The following KIF16B variants were observed in gnomAD, a reference collection of about 807,000 sequenced individuals.
KIF16B encodes the protein kinesin family member 16B.
KIF16B carries 98 observed loss-of-function variants against 156.3 expected under a neutral mutation model. The observed-to-expected ratio is 0.63, with a 90% CI of 0.53 to 0.74. The LOEUF is 0.74. Ranked by LOEUF, KIF16B falls within the 30% of genes least tolerant of loss-of-function variation. The pLI is 0.00. For missense variants in KIF16B, 1,421 were observed against 1,606.5 expected (o/e 0.88, Z 1.97); for synonymous variants, 564 against 583.7 (o/e 0.97, Z 0.49).
chr20:16,382,754 C>G (rs531277851), intron 17 of KIF16B, among the ~76,000 whole-genome samples: 2 of 152,024 alleles, frequency 1.3e-5, no homozygotes, highest in Non-Finnish European at 2.9e-5. Context: ...TACCTCCCCC[C>G]ACCCCACCAC....
chr20:16,517,484 C>A (rs1379183314), intron 3 of KIF16B, among the ~76,000 whole-genome samples: 1 of 152,148 alleles, frequency 6.6e-6, no homozygotes, highest in Non-Finnish European at 1.5e-5. Context: ...TGTTACAAGA[C>A]CCATTGATGA....
chr20:16,315,530 T>A (rs2063684837), intron 24 of KIF16B, among the ~76,000 whole-genome samples: 1 of 152,106 alleles, frequency 6.6e-6, no homozygotes, highest in African/African-American at 2.4e-5. Context: ...AAAAGAGTGA[T>A]TCCTCCTAAG....
At chr20:16,469,254 T>TAAAAAAAAAAAAAA (rs57114751) in intron 12 of KIF16B, among the ~76,000 whole-genome samples, 14 of 66,076 alleles carry the variant, frequency 2.1e-4, no homozygotes, top group Non-Finnish European at 3.0e-4. Flanking sequence ...CCCTGTGTCT[T>TAAAAAAAAAAAAAA]AAAAAAAAAA....
chr20:16,523,589 G>A (rs549898749), intron 3 of KIF16B, among the ~76,000 whole-genome samples: 32 of 152,202 alleles, frequency 2.1e-4, no homozygotes, highest in Middle Eastern at 3.4e-3. Context: ...AATCAATATC[G>A]TGAAAATGGC....
chr20:16,317,521 G>A (rs2063714699), intron 24 of KIF16B, among the ~76,000 whole-genome samples: 1 of 152,140 alleles, frequency 6.6e-6, no homozygotes. Context: ...CAACTTTTTT[G>A]GAGAGAGTCT....
chr20:16,549,400 A>G (rs1600678055), intron 1 of KIF16B, among the ~76,000 whole-genome samples: 1 of 151,964 alleles, frequency 6.6e-6, no homozygotes, highest in African/African-American at 2.4e-5. Context: ...ATAGTATCCC[A>G]TGGTGTATAT....
intron 24 of KIF16B, among the ~76,000 whole-genome samples, chr20:16,326,061 T>G (rs1160617593): frequency 6.6e-6 from 1 of 152,120 alleles, no homozygotes; most frequent in East Asian, 1.9e-4. Context: ...GGACACCTTA[T>G]TCAACAAATG....
At position 16,378,245 on chromosome 20, in the gene KIF16B, G is replaced by A. The variant is rs577691623; in HGVS notation, c.3197+560C>T. Among the ~76,000 whole-genome samples the A allele has an allele frequency of 1.2e-4, 19 of 152,172 alleles. No individual in the cohort carries two copies. The South Asian group carries it at 3.7e-3, about 30-fold the overall frequency. The stretch of plus-strand genomic sequence containing the variant: ...GGCAGGGAAGTAGAGATGGAAAGAG[G>A]TGAGGGAGGAGGGAAGAAAATAGGG... On this transcript the variant is annotated intron_variant, in intron 19 of 25. Transcript: ENST00000354981.
chr20:16,561,546 T>G (rs974361057), intron 1 of KIF16B, among the ~76,000 whole-genome samples: 1 of 152,150 alleles, frequency 6.6e-6, no homozygotes, highest in Admixed American at 6.5e-5. Context: ...AGGGGAAAAT[T>G]CTTTTGCAAA....
intron 22 of KIF16B, 83 bp downstream of exon 22, chr20:16,370,503 G>C: frequency 8.9e-7 from 1 of 1,122,824 alleles, no homozygotes; most frequent in Non-Finnish European, 1.2e-6. Context: ...TTCTAATTAT[G>C]CAACTAGACA....
At chr20:16,350,534 C>T (rs2064316781) in intron 23 of KIF16B, among the ~76,000 whole-genome samples, 1 of 151,766 alleles carries the variant, frequency 6.6e-6, no homozygotes, top group East Asian at 1.9e-4. Context: ...GCTGAGAAGG[C>T]GGGAGGGAAG....
At chr20:16,513,033 C>G (rs888373196) in intron 4 of KIF16B, 110 bp from the exon 5 acceptor site, 2 of 722,674 alleles carry the variant, frequency 2.8e-6, no homozygotes, top group Non-Finnish European at 4.8e-6. Context: ...GTATGCCAAC[C>G]CCTGGCCTAC....
intron 17 of KIF16B, among the ~76,000 whole-genome samples, chr20:16,398,519 A>G (rs1193120282): frequency 2.6e-5 from 4 of 152,142 alleles, no homozygotes; most frequent in Non-Finnish European, 5.9e-5. Flanking sequence ...CAGATAGAGA[A>G]AGTCAGGAAT....
chr20:16,293,728 G>T lies in KIF16B; in HGVS notation c.3795+18607C>A, dbSNP rs972893226. Reference sequence around the variant, plus strand: ...TTCCAGGGGAGGTTTCTGCAAGGAGGCTGTATTTATGAAACACCTGGTGCT... The same window carrying T: ...TTCCAGGGGAGGTTTCTGCAAGGAGTCTGTATTTATGAAACACCTGGTGCT... On this transcript the variant is annotated intron_variant, in intron 25 of 25. Transcript: ENST00000354981. Among the ~76,000 whole-genome samples, 5 of 152,236 alleles carry T rather than the reference G, an allele frequency of 3.3e-5. No homozygotes were observed. In the South Asian group the frequency reaches 6.2e-4, roughly 19 times the overall value.
At chr20:16,341,221 C>T (rs2123011254) in intron 23 of KIF16B, among the ~76,000 whole-genome samples, 1 of 152,328 alleles carries the variant, frequency 6.6e-6, no homozygotes, top group East Asian at 1.9e-4. Context: ...AGCCAAACCA[C>T]ATTTTCTCAT....
chr20:16,398,421 G>A (rs776151786), intron 17 of KIF16B, among the ~76,000 whole-genome samples: 3 of 152,190 alleles, frequency 2.0e-5, no homozygotes, highest in Non-Finnish European at 4.4e-5. Flanking sequence ...TGACCAGGAA[G>A]GGCTAAGGAG....
chr20:16,312,775 C>CTTTT (rs11087165), intron 24 of KIF16B, among the ~76,000 whole-genome samples: 15 of 145,482 alleles, frequency 1.0e-4, no homozygotes, highest in Non-Finnish European at 1.7e-4. Flanking sequence ...TCCTCCCACC[C>CTTTT]TTTTTTTTTT....
At chr20:16,288,799 A>G (rs1265723780) in intron 25 of KIF16B, among the ~76,000 whole-genome samples, 6 of 142,046 alleles carry the variant, frequency 4.2e-5, no homozygotes, top group Admixed American at 6.9e-5. Flanking sequence ...ACCTTAGTAA[A>G]CACAGTATGT....
At chr20:16,442,904 C>T (rs2146539787) in intron 12 of KIF16B, among the ~76,000 whole-genome samples, 1 of 152,280 alleles carries the variant, frequency 6.6e-6, no homozygotes, top group Admixed American at 6.5e-5. Flanking sequence ...TCACAATTCC[C>T]TTCTGAAAGA....
Sources: gnomAD v4.1 joint callset for allele counts (sites outside exome capture counted in the v4.1 genomes callset) on GRCh38, gnomAD v4.1.1 for gene constraint, MANE v1.5 for transcripts, NCBI Gene and HGNC (gene_info 2026-07-23, HGNC 2026-07-21) for gene names.